MAD2L2: variants seen among roughly 807,000 people sequenced by gnomAD.
The protein encoded by MAD2L2 is mitotic spindle assembly checkpoint protein MAD2B.
A neutral mutation model predicts 30.5 loss-of-function variants in MAD2L2; 17 were observed. That is an observed-to-expected ratio of 0.56 (90% CI 0.38 to 0.84). The LOEUF (loss-of-function observed/expected upper bound fraction) is 0.84. Ranked by LOEUF, MAD2L2 falls within the 40% of genes least tolerant of loss-of-function variation. The pLI is 0.00. For missense variants in MAD2L2, 213 were observed against 277.4 expected, an observed-to-expected ratio of 0.77 and a Z score of 1.65; for synonymous variants, 101 against 113.9, an observed-to-expected ratio of 0.89 and a Z score of 0.72.
At chr1:11,684,213 C>T (rs890549397), upstream of MAD2L2, among the ~76,000 whole-genome samples, 2 of 152,090 alleles carry the variant, frequency 1.3e-5, no homozygotes, top group Non-Finnish European at 2.9e-5. Flanking sequence ...TGGGCCCATC[C>T]GGGGAGCTCT....
At position 11,674,730 on chromosome 1, in the gene MAD2L2, C is replaced by T; in HGVS notation, c.*45G>A. The T allele has an allele frequency of 6.2e-7, 1 of 1,607,818 alleles. No individual in the cohort carries two copies. Among genetic ancestry groups the T allele is most frequent in the Non-Finnish European group, 8.5e-7 (1 of 1,175,110 alleles). ...CAGCACTGCCCTAGGCGGGGATCCC[C>T]CAAAGTCTGACAGTTTGGGCATCAG... On this transcript the variant is annotated 3_prime_UTR_variant, in exon 9 of 9. Coordinates refer to ENST00000376692, the MANE Select transcript of MAD2L2 (RefSeq NM_006341.4). The surrounding 1 kb of genome is among the most constrained non-coding windows in gnomAD (Gnocchi z 6.1).
chr1:11,678,461 C>T (rs1478229747), intron 3 of MAD2L2, among the ~76,000 whole-genome samples: 1 of 152,116 alleles, frequency 6.6e-6, no homozygotes, highest in Non-Finnish European at 1.5e-5. Flanking sequence ...TTTAATATAC[C>T]ATTAGGGGTT....
chr1:11,686,420 G>A (rs544155352), intron 1 of MAD2L2, among the ~76,000 whole-genome samples: 4 of 152,146 alleles, frequency 2.6e-5, no homozygotes, highest in Non-Finnish European at 5.9e-5. Flanking sequence ...AGTGGTCAGG[G>A]GGACCTTACT....
chr1:11,682,383 G>A (rs1287479868), upstream of MAD2L2, among the ~76,000 whole-genome samples: 1 of 152,194 alleles, frequency 6.6e-6, no homozygotes, highest in Non-Finnish European at 1.5e-5. Context: ...CCATCCGTCT[G>A]TTTGGACACA....
At chr1:11,683,252 A>G (rs1005571952), upstream of MAD2L2, among the ~76,000 whole-genome samples, 1 of 152,190 alleles carries the variant, frequency 6.6e-6, no homozygotes, top group African/African-American at 2.4e-5. Context: ...GAGAAAACAC[A>G]ATACGAGCCA....
rs137992567 is a variant in MAD2L2 at position 11,680,461 on chromosome 1, A to G, written c.51T>C (p.Asp17=). The change falls in exon 3 of 9, where the codon GAT becomes GAC. Residue 17 remains aspartate (D), a synonymous_variant. Transcript: ENST00000376692. The part of the protein sequence containing the change: ...QDLNFGQVVA[D]VLCEFLEVAV... ...CCACCTCCAGGAACTCGCAGAGCAC[A>G]TCGGCCACCACTGCAGGGGGGCACA... is the stretch of plus-strand genomic sequence containing the variant. 5.6e-6 allele frequency: 9 copies of G among 1,613,658 alleles called. No homozygotes were observed. The African/African-American group carries it at 1.1e-4, about 19-fold the overall frequency.
At position 11,688,637 on chromosome 1, in the gene MAD2L2, C is replaced by T. The variant is rs1207535398; in HGVS notation, c.-692+2776G>A. 6.6e-6 allele frequency among the ~76,000 whole-genome samples: 1 copy of T among 152,148 alleles called. No individual in the cohort carries two copies. The highest frequency in any genetic ancestry group is 6.5e-5 in the Admixed American group (1 of 15,280). Reference sequence around the variant, plus strand: ...ATCATGTCTCTGCTCTGCTCATGGTCCCTCTAAAAAGCTCAAGTCCTCCCT... The same window carrying T: ...ATCATGTCTCTGCTCTGCTCATGGTTCCTCTAAAAAGCTCAAGTCCTCCCT... On this transcript the variant is annotated intron_variant, in intron 1 of 10. Transcript: ENST00000235310. The surrounding 1 kb of genome is among the most constrained non-coding windows in gnomAD (Gnocchi z 4.6).
chr1:11,680,896 A>G, intron 1 of MAD2L2, 143 bp downstream of exon 1: 4 of 685,596 alleles, frequency 5.8e-6, no homozygotes, highest in Non-Finnish European at 7.9e-6. Flanking sequence ...CCGCGGACGC[A>G]GAGGGAAACA....
intron 3 of MAD2L2, among the ~76,000 whole-genome samples, chr1:11,678,921 T>G (rs1000879171): frequency 6.6e-6 from 1 of 152,128 alleles, no homozygotes; most frequent in Non-Finnish European, 1.5e-5. Context: ...CCCAGCACTT[T>G]GGGAGGCCAA....
chr1:11,682,521 T>C (rs1256880849), upstream of MAD2L2, among the ~76,000 whole-genome samples: 1 of 141,698 alleles, frequency 7.1e-6, no homozygotes, highest in Non-Finnish European at 1.5e-5. Context: ...AACCTGTAAG[T>C]AACCCATTAA....
intron 3 of MAD2L2, 86 bp from the exon 4 acceptor site, chr1:11,677,700 G>A: frequency 8.8e-7 from 1 of 1,139,312 alleles, no homozygotes; most frequent in Admixed American, 2.0e-5. Context: ...GGCCCCATCT[G>A]CCTTCGGTCC....
chr1:11,676,196 C>A (rs971376147), intron 5 of MAD2L2, 56 bp from the exon 6 acceptor site: 13 of 1,217,386 alleles, frequency 1.1e-5, no homozygotes, highest in African/African-American at 3.0e-5. Context: ...CCACCACAGG[C>A]ATCAAGCCTG....
upstream of MAD2L2, among the ~76,000 whole-genome samples, chr1:11,684,420 T>A (rs557352492): frequency 1.3e-5 from 2 of 152,204 alleles, no homozygotes; most frequent in African/African-American, 4.8e-5. Flanking sequence ...GGAGGGCGGC[T>A]GGGAAGGAAG....
upstream of MAD2L2, chr1:11,681,503 T>C (rs1167386171): frequency 1.3e-5 from 2 of 151,956 alleles, no homozygotes; most frequent in African/African-American, 2.4e-5. Flanking sequence ...CTAGCCCGAG[T>C]CACCATCCCT....
Position 11,675,090 on chromosome 1 carries a change from T to C in MAD2L2, c.586A>G (p.Ile196Val). 6.3e-7 allele frequency: 1 copy of C among 1,591,568 alleles called. No individual in the cohort carries two copies. The highest frequency in any genetic ancestry group is 1.1e-5 in the South Asian group (1 of 88,250). Residue 196 changes from isoleucine (I) to valine (V), a missense_variant, in exon 8 of 9, where the codon ATT becomes GTT. By Grantham distance (29) the Ile-to-Val change is conservative. Coordinates refer to ENST00000376692, the MANE Select transcript of MAD2L2 (RefSeq NM_006341.4). ...GTCCCCACGAAGCTCACCTTTAAAA[T>C]GTCCGACGTCATGGTTTTTAGTGGT... ...LIPLKTMTSD[I>V]LKMQLYVEER...
At chr1:11,683,473 A>G (rs1238862661), upstream of MAD2L2, among the ~76,000 whole-genome samples, 3 of 151,268 alleles carry the variant, frequency 2.0e-5, no homozygotes, top group African/African-American at 7.3e-5. Flanking sequence ...ACCTATGAGG[A>G]TGCAAAGGCA....
In MAD2L2 at chr1:11,675,069, C is replaced by T. The variant is rs1331311933; in HGVS notation, c.594+13G>A. The T allele has an allele frequency of 6.4e-7, 1 of 1,570,620 alleles. No homozygotes were observed. The highest frequency in any genetic ancestry group is 8.7e-7 in the Non-Finnish European group (1 of 1,155,660). ...CCCCTAAATAAAGCTTCCCGGGTCC[C>T]CACGAAGCTCACCTTTAAAATGTCC... On this transcript the variant is annotated intron_variant, in intron 8 of 8. Transcript: ENST00000376692.
chr1:11,685,130 T>C (rs996467621), upstream of MAD2L2, among the ~76,000 whole-genome samples: 5 of 151,948 alleles, frequency 3.3e-5, no homozygotes, highest in African/African-American at 4.8e-5. Context: ...GGTCTCCCCA[T>C]GTTGCCTAGG....
At chr1:11,686,507 G>C (rs1486028842) in intron 1 of MAD2L2, among the ~76,000 whole-genome samples, 1 of 152,148 alleles carries the variant, frequency 6.6e-6, no homozygotes, top group African/African-American at 2.4e-5. Context: ...GGCCTCCAGA[G>C]TTCCTGCTTC....
Sources: gnomAD v4.1 joint callset for allele counts (sites outside exome capture counted in the v4.1 genomes callset) on GRCh38, gnomAD v4.1.1 for gene constraint, Gnocchi (gnomAD v3.1) non-coding constraint, MANE v1.5 for transcripts, NCBI Gene and HGNC (gene_info 2026-07-23, HGNC 2026-07-21) for gene names.